CADM1: variants seen among roughly 807,000 people sequenced by gnomAD.
The protein encoded by CADM1 is TSLC-1.
CADM1 carries 15 observed loss-of-function variants against 53.1 expected under a neutral mutation model. The observed-to-expected ratio is 0.28, with a 90% CI of 0.19 to 0.44. CADM1 has a LOEUF of 0.44. Ranked by LOEUF, CADM1 falls within the 20% of genes least tolerant of loss-of-function variation. The pLI is 1.00. For synonymous variants in CADM1, 281 were observed against 243.0 expected (o/e 1.16, Z -1.45); for missense variants, 434 against 611.3 (o/e 0.71, Z 3.06).
At chr11:115,256,015 TG>T (rs1341526650) in intron 1 of CADM1, among the ~76,000 whole-genome samples, 2 of 152,250 alleles carry the variant, frequency 1.3e-5, no homozygotes, top group Non-Finnish European at 2.9e-5. Flanking sequence ...GCACCCTAGC[TG>T]AATTTTTGCT....
intron 1 of CADM1, among the ~76,000 whole-genome samples, chr11:115,329,994 C>G (rs1945089972): frequency 6.6e-6 from 1 of 150,632 alleles, no homozygotes; most frequent in African/African-American, 2.4e-5. Flanking sequence ...GCTTGTGGAG[C>G]CTAGGGTCTG....
At chr11:115,463,926 GGTGCAAATTAATTTTTCTCCCAATT>G (rs1948845040) in intron 1 of CADM1, among the ~76,000 whole-genome samples, 1 of 151,970 alleles carries the variant, frequency 6.6e-6, no homozygotes, top group Non-Finnish European at 1.5e-5. Flanking sequence ...CCAGCTGCCA[GGTGCAAATTAATTTTTCTCCCAATT>G]TTGGCCCAAT....
intron 2 of CADM1, 63 bp from the exon 3 acceptor site, chr11:115,238,715 A>T (rs779220876): frequency 2.2e-4 from 329 of 1,526,500 alleles, no homozygotes; most frequent in Non-Finnish European, 2.9e-4. Flanking sequence ...ATTTTCCTTA[A>T]TTATTTATTA....
intron 1 of CADM1, among the ~76,000 whole-genome samples, chr11:115,415,091 T>A (rs1012915866): frequency 1.1e-4 from 16 of 152,202 alleles, no homozygotes; most frequent in Non-Finnish European, 2.2e-4. Context: ...CTTGAAAAAT[T>A]GGTTTCAAAT....
At position 115,173,940 on chromosome 11, in the gene CADM1, G is replaced by A; in HGVS notation, c.*2534C>T. 1.0e-6 allele frequency: 1 copy of A among 967,810 alleles called. No individual in the cohort carries two copies. Among genetic ancestry groups the A allele is most frequent in the African/African-American group, 1.8e-5 (1 of 56,958 alleles). The allele number at this position is 967,810 out of a possible 1,614,324, so 60.0% of individuals were successfully genotyped here. On this transcript the variant is annotated 3_prime_UTR_variant, in exon 12 of 12. Coordinates refer to ENST00000331581, the MANE Select transcript of CADM1 (RefSeq NM_001301043.2). ...TTGTTCTTTCTTCACTCTAAAAAAA[G>A]TGATCAACCTGTACAAAGTAATACT...
intron 1 of CADM1, among the ~76,000 whole-genome samples, chr11:115,387,824 G>T (rs1946736873): frequency 6.6e-6 from 1 of 151,796 alleles, no homozygotes; most frequent in African/African-American, 2.4e-5. Flanking sequence ...CCTAAAAAAG[G>T]CCTAGAATCA....
At chr11:115,309,143 T>C (rs1383760757) in intron 1 of CADM1, among the ~76,000 whole-genome samples, 3 of 152,114 alleles carry the variant, frequency 2.0e-5, no homozygotes, top group African/African-American at 7.2e-5. Context: ...CACTACCCAT[T>C]CATTCTTCCA....
chr11:115,347,001 G>A (rs556509147), intron 1 of CADM1, among the ~76,000 whole-genome samples: 3 of 152,100 alleles, frequency 2.0e-5, no homozygotes, highest in African/African-American at 4.8e-5. Flanking sequence ...GAGACAGAAC[G>A]AAATTTAGAG....
At chr11:115,302,929 G>A (rs2135140454) in intron 1 of CADM1, among the ~76,000 whole-genome samples, 1 of 152,170 alleles carries the variant, frequency 6.6e-6, no homozygotes, top group East Asian at 1.9e-4. Flanking sequence ...CACATTACCA[G>A]TTGCAATTAC....
In CADM1 at chr11:115,231,496, A is replaced by G; in HGVS notation, c.425-6T>C. On this transcript the variant is annotated splice_region_variant and splice_polypyrimidine_tract_variant and intron_variant, in intron 3 of 11. Coordinates refer to ENST00000331581, the MANE Select transcript of CADM1 (RefSeq NM_001301043.2). ...CATCAGATTACGTGGTGGGACTACA[A>G]ATTAAACATATGTGCTTTATAAACA... The G allele has an allele frequency of 6.2e-7, 1 of 1,613,722 alleles. No homozygotes were observed. Among genetic ancestry groups the G allele is most frequent in the Non-Finnish European group, 8.5e-7 (1 of 1,179,630 alleles).
intron 1 of CADM1, among the ~76,000 whole-genome samples, chr11:115,458,618 T>C (rs1948730433): frequency 6.6e-6 from 1 of 151,694 alleles, no homozygotes; most frequent in African/African-American, 2.4e-5. Flanking sequence ...AAGTCCTATA[T>C]AAGGGGAGAG....
rs556345339 is a variant in CADM1, at chr11:115,406,906, T to C, written c.124+97365A>G. Among the ~76,000 whole-genome samples, 10 of 150,348 alleles carry C rather than the reference T, an allele frequency of 6.7e-5. No individual in the cohort carries two copies. The South Asian group carries it at 1.9e-3, about 28-fold the overall frequency. ...TGGAGGTTGCAGTGAGCCGAGATTA[T>C]GCCATTGCACTCCAGCCTGGGCAAC... On this transcript the variant is annotated intron_variant, in intron 1 of 11. Transcript: ENST00000331581.
rs2513550 is a variant in CADM1, at chr11:115,435,549, A to G, written c.124+68722T>C. ...GGAGTTCGAGACCAGCCTGACCAAC[A>G]TGGTGAAACCCCCTCTCTACTAAAA... On this transcript the variant is annotated intron_variant, in intron 1 of 11. Coordinates refer to ENST00000331581, the MANE Select transcript of CADM1 (RefSeq NM_001301043.2). Among the ~76,000 whole-genome samples, 914 of 152,204 alleles carry G rather than the reference A, an allele frequency of 6.0e-3. 12 individuals carry two copies. Among genetic ancestry groups the G allele is most frequent in the African/African-American group, 0.02 (838 of 41,534 alleles).
chr11:115,348,694 A>G (rs1945647787), intron 1 of CADM1, among the ~76,000 whole-genome samples: 1 of 152,210 alleles, frequency 6.6e-6, no homozygotes, highest in South Asian at 2.1e-4. Flanking sequence ...ACTGAGACGC[A>G]AGGCCCTTTC....
At chr11:115,490,745 T>C (rs1474924175) in intron 1 of CADM1, among the ~76,000 whole-genome samples, 12 of 152,012 alleles carry the variant, frequency 7.9e-5, no homozygotes, top group Non-Finnish European at 4.4e-5. Flanking sequence ...TTTAGGAAAA[T>C]GCAGTTAAGT....
intron 1 of CADM1, among the ~76,000 whole-genome samples, chr11:115,437,335 A>C (rs1948206564): frequency 6.6e-6 from 1 of 152,196 alleles, no homozygotes; most frequent in African/African-American, 2.4e-5. Context: ...AAAACGGGGA[A>C]GACAGCTGGG....
chr11:115,447,999 T>A (rs1040056442), intron 1 of CADM1, among the ~76,000 whole-genome samples: 11 of 152,144 alleles, frequency 7.2e-5, no homozygotes, highest in African/African-American at 2.7e-4. Context: ...TACTAGCAAG[T>A]CCCTCATTAT....
chr11:115,330,585 A>G (rs1945105194), intron 1 of CADM1, among the ~76,000 whole-genome samples: 1 of 152,144 alleles, frequency 6.6e-6, no homozygotes, highest in Admixed American at 6.5e-5. Context: ...AGTACCCAAC[A>G]TGTGCTAAGT....
At chr11:115,445,565 C>T in intron 1 of CADM1, among the ~76,000 whole-genome samples, 1 of 151,892 alleles carries the variant, frequency 6.6e-6, no homozygotes, top group Non-Finnish European at 1.5e-5. Flanking sequence ...TTTAAGGGGC[C>T]AGGTTCAGTG....
Sources: gnomAD v4.1 joint callset for allele counts (sites outside exome capture counted in the v4.1 genomes callset) on GRCh38, gnomAD v4.1.1 for gene constraint, MANE v1.5 for transcripts, NCBI Gene and HGNC (gene_info 2026-07-23, HGNC 2026-07-21) for gene names.